SDK1: variants seen among roughly 807,000 people sequenced by gnomAD.
SDK1 encodes the protein protein sidekick-1.
A neutral mutation model predicts 245.5 loss-of-function variants in SDK1; 157 were observed. The ratio of observed to expected loss-of-function variants is 0.64; its 90% CI spans 0.56 to 0.73. The LOEUF is 0.73. SDK1 is among the 30% of genes least tolerant of loss of function. The pLI is 0.00. For missense variants in SDK1, 3,583 were observed against 3,002.3 expected, an observed-to-expected ratio of 1.19 and a Z score of -4.52; for synonymous variants, 1,647 against 1,278.5, an observed-to-expected ratio of 1.29 and a Z score of -6.15.
chr7:3,786,352 C>T (rs926465549), intron 4 of SDK1, among the ~76,000 whole-genome samples: 1 of 152,122 alleles, frequency 6.6e-6, no homozygotes, highest in Non-Finnish European at 1.5e-5. Flanking sequence ...TAGAGGAATA[C>T]GTGATATTAA....
At chr7:3,810,070 G>A (rs757189236) in intron 4 of SDK1, among the ~76,000 whole-genome samples, 4 of 152,310 alleles carry the variant, frequency 2.6e-5, no homozygotes, top group East Asian at 1.9e-4. Context: ...TATTTATTGT[G>A]TTTTATTCTC....
chr7:3,503,053 G>A (rs1215029555), intron 1 of SDK1, among the ~76,000 whole-genome samples: 1 of 152,168 alleles, frequency 6.6e-6, no homozygotes, highest in Non-Finnish European at 1.5e-5. Flanking sequence ...TGATGCCATT[G>A]TATTAGCTAA....
chr7:3,977,997 T>G (rs2128135593), intron 13 of SDK1, among the ~76,000 whole-genome samples: 1 of 152,258 alleles, frequency 6.6e-6, no homozygotes, highest in South Asian at 2.1e-4. Flanking sequence ...GCTCAGGTCG[T>G]TCTACCAAAA....
At chr7:3,591,190 CCTTTAT>C (rs1780861981) in intron 1 of SDK1, among the ~76,000 whole-genome samples, 1 of 152,112 alleles carries the variant, frequency 6.6e-6, no homozygotes, top group South Asian at 2.1e-4. Context: ...AAGGTGTTAA[CCTTTAT>C]CTTTAATGTT....
At chr7:4,095,264 C>T (rs1782073469) in intron 22 of SDK1, among the ~76,000 whole-genome samples, 1 of 137,372 alleles carries the variant, frequency 7.3e-6, no homozygotes, top group Admixed American at 7.1e-5. Context: ...TCTTCCTCAG[C>T]TCCCCCATAT....
chr7:3,549,447 G>A (rs565628615), intron 1 of SDK1, among the ~76,000 whole-genome samples: 1 of 151,950 alleles, frequency 6.6e-6, no homozygotes, highest in Admixed American at 6.6e-5. Context: ...ATTTTAATAT[G>A]CTAAATATCC....
At chr7:3,754,844 A>G (rs1397556125) in intron 4 of SDK1, among the ~76,000 whole-genome samples, 1 of 152,166 alleles carries the variant, frequency 6.6e-6, no homozygotes, top group Non-Finnish European at 1.5e-5. Context: ...AAGAAGTTCA[A>G]AAGTTTTGGT....
chr7:3,831,932 C>T (rs1051535621), intron 5 of SDK1, among the ~76,000 whole-genome samples: 3 of 151,842 alleles, frequency 2.0e-5, no homozygotes, highest in Non-Finnish European at 2.9e-5. Flanking sequence ...ATACCTGTGG[C>T]CCCAGCTGCT....
In SDK1 at chr7:4,265,394, C is replaced by G; in HGVS notation, c.*10C>G. 1 of 1,423,562 alleles carries G rather than the reference C, an allele frequency of 7.0e-7. No individual in the cohort carries two copies. The allele number at this position is 1,423,562 out of a possible 1,614,324, so 88.2% of individuals were successfully genotyped here. The stretch of plus-strand genomic sequence containing the variant: ...CTCCTCCTTCGTGTGAGCAAAGCGC[C>G]GCGCCTCCCTCAGGGCGGAACGGAG... On this transcript the variant is annotated 3_prime_UTR_variant, in exon 45 of 45. Coordinates refer to ENST00000404826, the MANE Select transcript of SDK1 (RefSeq NM_152744.4).
At chr7:3,366,939 A>G (rs1030797364) in intron 1 of SDK1, among the ~76,000 whole-genome samples, 5 of 151,830 alleles carry the variant, frequency 3.3e-5, no homozygotes, top group Non-Finnish European at 5.9e-5. Context: ...ACAGGGTTTT[A>G]CCATGTTGGC....
chr7:3,485,452 C>G (rs943337210), intron 1 of SDK1, among the ~76,000 whole-genome samples: 20 of 152,124 alleles, frequency 1.3e-4, no homozygotes, highest in Non-Finnish European at 4.4e-5. Flanking sequence ...ACTTTGCTTT[C>G]CCTACCCCAA....
At chr7:3,465,153 C>T (rs1471705357) in intron 1 of SDK1, among the ~76,000 whole-genome samples, 1 of 152,058 alleles carries the variant, frequency 6.6e-6, no homozygotes, top group African/African-American at 2.4e-5. Flanking sequence ...CCTGCACTTC[C>T]GTGTGACAAG....
At chr7:3,623,144 A>G (rs1010208241) in intron 2 of SDK1, among the ~76,000 whole-genome samples, 1 of 152,130 alleles carries the variant, frequency 6.6e-6, no homozygotes, top group Non-Finnish European at 1.5e-5. Context: ...CCCTGTAAAG[A>G]GCAAATACTA....
At chr7:3,703,227 G>T (rs548414540) in intron 4 of SDK1, among the ~76,000 whole-genome samples, 4 of 152,212 alleles carry the variant, frequency 2.6e-5, no homozygotes, top group African/African-American at 9.6e-5. Context: ...ATTTTTCAAT[G>T]AGTGAATAAT....
At chr7:3,503,827 T>G (rs1782297905) in intron 1 of SDK1, among the ~76,000 whole-genome samples, 2 of 152,050 alleles carry the variant, frequency 1.3e-5, no homozygotes, top group Admixed American at 1.3e-4. Flanking sequence ...CGTGATGTGT[T>G]TATGGATTGG....
chr7:4,256,777 G>T (rs778792062), intron 44 of SDK1, among the ~76,000 whole-genome samples: 2 of 152,220 alleles, frequency 1.3e-5, no homozygotes, highest in South Asian at 4.1e-4. Context: ...GGGATAAGGA[G>T]TGAGAAGCCC....
At chr7:3,302,019 G>C (rs1779280337) in intron 1 of SDK1, 135 bp downstream of exon 1, 4 of 593,272 alleles carry the variant, frequency 6.7e-6, no homozygotes, top group Non-Finnish European at 6.5e-6. Context: ...GGGCTCTAGG[G>C]AGCCCAGGGG....
At chr7:3,658,069 G>T (rs1042064345) in intron 4 of SDK1, among the ~76,000 whole-genome samples, 3 of 152,186 alleles carry the variant, frequency 2.0e-5, no homozygotes, top group Admixed American at 2.0e-4. Context: ...GCCCGACTTC[G>T]GTGGGGCTCC....
intron 4 of SDK1, among the ~76,000 whole-genome samples, chr7:3,688,564 T>C (rs994972877): frequency 1.3e-5 from 2 of 152,248 alleles, no homozygotes; most frequent in African/African-American, 4.8e-5. Context: ...GCAGTAGTGG[T>C]GCAGAGGAAT....
Sources: allele counts gnomAD v4.1 joint callset (sites outside exome capture counted in the v4.1 genomes callset), GRCh38; gene constraint gnomAD v4.1.1; transcripts MANE v1.5; gene names NCBI Gene and HGNC (gene_info 2026-07-23, HGNC 2026-07-21).